CRLF2: variants seen among roughly 807,000 people sequenced by gnomAD.
CRLF2 encodes cytokine receptor like factor 2.
CRLF2 carries 41 observed loss-of-function variants against 38.7 expected under a neutral mutation model. The ratio of observed to expected loss-of-function variants is 1.06; its 90% CI spans 0.83 to 1.37. The LOEUF (loss-of-function observed/expected upper bound fraction) is 1.37. CRLF2 is among the 40% of genes most tolerant of loss of function. CRLF2 has a pLI of 0.00. For synonymous variants in CRLF2, 140 were observed against 128.8 expected, an observed-to-expected ratio of 1.09 and a Z score of -0.59; for missense variants, 377 against 322.2, an observed-to-expected ratio of 1.17 and a Z score of -1.30.
At chrX:1,208,015 G>T (rs754555690) in intron 2 of CRLF2, among the ~76,000 whole-genome samples, 5 of 152,164 alleles carry the variant, frequency 3.3e-5, no homozygotes, top group African/African-American at 1.2e-4. Flanking sequence ...ATCCACCCAT[G>T]ATTAAATTTA....
intron 5 of CRLF2, among the ~76,000 whole-genome samples, chrX:1,198,007 A>G (rs1284652326): frequency 7.9e-5 from 12 of 152,134 alleles, no homozygotes; most frequent in African/African-American, 2.9e-4. Flanking sequence ...TCAAAAAAAC[A>G]AAAGAAAGAA....
chrX:1,201,835 T>G (rs1382740305), intron 4 of CRLF2, among the ~76,000 whole-genome samples: 4 of 151,854 alleles, frequency 2.6e-5, no homozygotes, highest in Admixed American at 1.3e-4. Flanking sequence ...ATAGTTGAAC[T>G]ACATAGAGAT....
chrX:1,201,183 G>A (rs1488842273), intron 4 of CRLF2, among the ~76,000 whole-genome samples: 16 of 152,096 alleles, frequency 1.1e-4, no homozygotes, highest in Non-Finnish European at 1.9e-4. Flanking sequence ...AGCTGCATAG[G>A]ACAGCTGTGT....
At position 1,191,055 on chromosome X, in the gene CRLF2, C is replaced by A. The variant is rs2086364692; in HGVS notation, c.958G>T (p.Glu320Ter). The A allele has an allele frequency of 7.5e-6, 3 of 398,554 alleles. No homozygotes were observed. Among genetic ancestry groups the A allele is most frequent in the Non-Finnish European group, 8.8e-6 (2 of 226,116 alleles). 24.7% of individuals were successfully genotyped at this position (398,554 alleles called of 1,614,324 possible). A position where few individuals can be genotyped will look rare whatever the true frequency, so the allele number is the denominator to read the frequency against. Residue 320 changes from glutamate (E) to a stop codon, truncating the protein, a stop_gained, in exon 8 of 8, where the codon GAA becomes TAA. Coordinates refer to ENST00000400841, the MANE Select transcript of CRLF2 (RefSeq NM_022148.4). LOFTEE classifies it high-confidence loss of function. ...EPLVVQLAKTEAESPRMLDPQ... is the reference protein window; with the variant it reads ...EPLVVQLAKT ...TCCAGCATCCTGGGAGACTCGGCTT[C>A]AGTCTTGGCCAACTGGACTACCAGG...
chrX:1,206,232 C>T (rs1192785817), intron 3 of CRLF2, among the ~76,000 whole-genome samples: 1 of 151,856 alleles, frequency 6.6e-6, no homozygotes, highest in Non-Finnish European at 1.5e-5. Flanking sequence ...AATCATTGAT[C>T]CCGCGACTGG....
At chrX:1,206,391 G>A in intron 3 of CRLF2, 42 bp downstream of exon 3, 2 of 1,564,974 alleles carry the variant, frequency 1.3e-6, no homozygotes, top group East Asian at 2.2e-5. Flanking sequence ...TAAGCTGAAG[G>A]AAGTACTGAA....
At chrX:1,202,603 C>A (rs368444823) in intron 3 of CRLF2, 68 bp from the exon 4 acceptor site, 4 of 1,588,210 alleles carry the variant, frequency 2.5e-6, no homozygotes. Context: ...CTGACCTCAT[C>A]CCCTTTCTCT....
chrX:1,208,456 G>A (rs1173102536), intron 2 of CRLF2, among the ~76,000 whole-genome samples: 3 of 152,164 alleles, frequency 2.0e-5, no homozygotes, highest in African/African-American at 7.2e-5. Flanking sequence ...CTACTCGGGA[G>A]GCTGAGGCAG....
chrX:1,211,237 GTGGGTGGGTGGA>G (rs2147857916), intron 1 of CRLF2, among the ~76,000 whole-genome samples: 2 of 143,526 alleles, frequency 1.4e-5, no homozygotes, highest in East Asian at 2.3e-4. Context: ...ACATGGATGG[GTGGGTGGGTGGA>G]TGGATGGGTG....
At chrX:1,210,580 G>A (rs1210656997) in intron 1 of CRLF2, among the ~76,000 whole-genome samples, 1 of 152,176 alleles carries the variant, frequency 6.6e-6, no homozygotes, top group Non-Finnish European at 1.5e-5. Context: ...AAAGTGCTGG[G>A]ATTACAGGCA....
At chrX:1,206,020 T>G (rs1430133703) in intron 3 of CRLF2, among the ~76,000 whole-genome samples, 5 of 152,020 alleles carry the variant, frequency 3.3e-5, no homozygotes, top group African/African-American at 1.2e-4. Flanking sequence ...CGGTAATCAT[T>G]GATCCAGCGA....
intron 3 of CRLF2, among the ~76,000 whole-genome samples, chrX:1,203,378 G>A (rs2086642397): frequency 6.6e-6 from 1 of 151,222 alleles, no homozygotes; most frequent in Non-Finnish European, 1.5e-5. Flanking sequence ...ACCCTGGAAG[G>A]AACTGAATAT....
At chrX:1,196,036 A>G (rs1479484226) in intron 6 of CRLF2, among the ~76,000 whole-genome samples, 141,217 of 141,466 alleles carry the variant, frequency 1, 70,485 homozygotes, top group Non-Finnish European at 1. Flanking sequence ...ATATAATTAT[A>G]CACCCGGCTA....
At position 1,192,763 on chromosome X, in the gene CRLF2, T is replaced by TC. The variant is rs2086415429; in HGVS notation, c.852+454dup. Among the ~76,000 whole-genome samples the TC allele has an allele frequency of 6.2e-3, 829 of 133,908 alleles. 5 individuals are homozygous for TC. Among genetic ancestry groups the TC allele is most frequent in the Non-Finnish European group, 1.0e-2 (632 of 63,228 alleles). 87.8% of individuals were successfully genotyped at this position (133,908 alleles called of 152,430 possible). A position where few individuals can be genotyped will look rare whatever the true frequency, so the allele number is the denominator to read the frequency against. ...TTCTTTCTTTCTTTCTTTCTTTCTT[T>TC]CTTTCCTTCCTTCCTCTCTCCCCCT... On this transcript the variant is annotated intron_variant, in intron 7 of 7. Transcript: ENST00000400841.
intron 6 of CRLF2, among the ~76,000 whole-genome samples, chrX:1,196,174 C>G (rs1402123222): frequency 1.5e-5 from 2 of 135,604 alleles, no homozygotes; most frequent in East Asian, 4.4e-4. Context: ...AGCCACCACA[C>G]CCGGCAGGGC....
intron 7 of CRLF2, among the ~76,000 whole-genome samples, 173 bp from the exon 8 acceptor site, chrX:1,191,333 C>CTTTCT (rs1556415528): frequency 1.7e-5 from 2 of 115,296 alleles, no homozygotes; most frequent in African/African-American, 6.3e-5. Flanking sequence ...TTCTTTCTTT[C>CTTTCT]TTTCTTTCTT....
chrX:1,198,763 AC>A, intron 4 of CRLF2, 39 bp from the exon 5 acceptor site: 1 of 1,407,374 alleles, frequency 7.1e-7, no homozygotes, highest in Non-Finnish European at 9.9e-7. Flanking sequence ...ACACACACAC[AC>A]ACACACACAC....
In CRLF2 at chrX:1,193,798, A is replaced by G. The variant is rs1162661759; in HGVS notation, c.768-496T>C. Among the ~76,000 whole-genome samples, 300 of 147,038 alleles carry G rather than the reference A, an allele frequency of 2.0e-3. 1 individual carries two copies. Among genetic ancestry groups the G allele is most frequent in the Admixed American group, 5.5e-3 (81 of 14,740 alleles). On this transcript the variant is annotated intron_variant, in intron 6 of 7. Transcript: ENST00000400841. ...CTCCATCTCAAAAAAAAAAAAAAAA[A>G]AAAAATACAAAAATTAGCCAGGTGT...
intron 6 of CRLF2, 90 bp downstream of exon 6, chrX:1,196,690 G>A: frequency 1.3e-6 from 2 of 1,488,034 alleles, no homozygotes; most frequent in Non-Finnish European, 1.8e-6. Flanking sequence ...CCAGGGAAAT[G>A]ACTCTATCAG....
Sources: gnomAD v4.1 joint callset for allele counts (sites outside exome capture counted in the v4.1 genomes callset) on GRCh38, gnomAD v4.1.1 for gene constraint, MANE v1.5 for transcripts, NCBI Gene and HGNC (gene_info 2026-07-23, HGNC 2026-07-21) for gene names.